Variants in SERPINB3 observed in about 807,000 individuals in gnomAD.
SERPINB3 encodes the protein serpin family B member 3.
A neutral mutation model predicts 33.0 loss-of-function variants in SERPINB3; 33 were observed. That is an observed-to-expected ratio of 1.00 (90% confidence interval 0.76 to 1.34). The LOEUF is 1.34. Ranked by LOEUF, SERPINB3 falls within the 40% of genes most tolerant of loss-of-function variation. The probability of loss-of-function intolerance (pLI) is 0.00; values close to 1 mark genes in which losing one functional copy is unlikely to be tolerated. For missense variants in SERPINB3, 518 were observed against 461.5 expected, an observed-to-expected ratio of 1.12 and a Z score of -1.12; for synonymous variants, 200 against 170.9, an observed-to-expected ratio of 1.17 and a Z score of -1.33.
chr18:63,659,301 A>G (rs111704726), intron 4 of SERPINB3, 98 bp downstream of exon 4: 63 of 1,337,004 alleles, frequency 4.7e-5, no homozygotes, highest in African/African-American at 1.9e-4. Flanking sequence ...CTCCACCTGG[A>G]TCGGTCAGGC....
rs753819398 is a variant in SERPINB3 at position 63,658,567 on chromosome 18, C to T, written c.415G>A (p.Ala139Thr). The change falls in exon 5 of 8, where the codon GCT becomes ACT. Residue 139 changes from alanine to threonine, a missense_variant. Transcript: ENST00000283752. ...TSVESVDFAN[A>T]PEESRKKINS... ...ATCTTCTTTCGACTTTCTTCTGGAG[C>T]ATTTGCAAAATCAACAGATTCCACA... The T allele has an allele frequency of 1.2e-6, 2 of 1,613,240 alleles. No individual in the cohort carries two copies. Among genetic ancestry groups the T allele is most frequent in the Admixed American group, 1.7e-5 (1 of 59,904 alleles).
Position 63,655,438 on chromosome 18 carries a change from G to T in SERPINB3, c.*219C>A, listed in dbSNP as rs111620204. ...TATTTTGGACATTTTTCCTCAAGGAGAATTTTTCTGGAAGAAAAAGTACAT... is the reference window on the plus strand; with the variant it reads ...TATTTTGGACATTTTTCCTCAAGGATAATTTTTCTGGAAGAAAAAGTACAT... On this transcript the variant is annotated 3_prime_UTR_variant, in exon 8 of 8. Transcript: ENST00000283752. 9 of 499,258 alleles carry T rather than the reference G, an allele frequency of 1.8e-5. No homozygotes were observed. The highest frequency in any genetic ancestry group is 3.1e-5 in the Non-Finnish European group (9 of 291,858). The allele number at this position is 499,258 out of a possible 1,614,324, so 30.9% of individuals were successfully genotyped here.
At position 63,656,042 on chromosome 18, in the gene SERPINB3, G is replaced by A. The variant is rs1913487927; in HGVS notation, c.788C>T (p.Ala263Val). ...GLQKLEEKLT[A>V]EKLMEWTSLQ... ...ACTTGTCCATTCCATCAATTTCTCA[G>A]CAGTGAGTTTCTCTTCAAGCTATAC... The change falls in exon 8 of 8, where the codon GCT (alanine) becomes GTT (valine). Residue 263 changes from alanine (A) to valine (V), a missense_variant. Physicochemically the swap from Ala to Val is moderately conservative, Grantham distance 64. Coordinates refer to ENST00000283752, the MANE Select transcript of SERPINB3 (RefSeq NM_006919.3). 1 of 1,613,382 alleles carries A rather than the reference G, an allele frequency of 6.2e-7. No homozygotes were observed. The highest frequency in any genetic ancestry group is 1.1e-5 in the South Asian group (1 of 91,052).
Position 63,660,984 on chromosome 18 carries a change from A to T in SERPINB3, c.165+68T>A, listed in dbSNP as rs1041035002. 3 of 1,609,128 alleles carry T rather than the reference A, an allele frequency of 1.9e-6. No homozygotes were observed. In the African/African-American group the frequency reaches 4.0e-5, roughly 22 times the overall value. On this transcript the variant is annotated intron_variant, in intron 2 of 7. Coordinates refer to ENST00000283752, the MANE Select transcript of SERPINB3 (RefSeq NM_006919.3). ...CCATCAGACCACCACATCTATTACC[A>T]TCTGCGTGCTAGCCGACGGAACCAG...
chr18:63,661,463 A>G (rs1300706803), intron 1 of SERPINB3, among the ~76,000 whole-genome samples: 1 of 152,166 alleles, frequency 6.6e-6, no homozygotes, highest in Non-Finnish European at 1.5e-5. Context: ...TTTAAAGACT[A>G]CTGTAAATAA....
rs1913480803 is a variant in SERPINB3 at position 63,655,860 on chromosome 18, C to CTGA, written c.969_970insTCA (p.Leu323_Val324insSer). On this transcript the variant is annotated inframe_insertion, in exon 8 of 8. Transcript: ENST00000283752. ...GCCTTGTGTAGGACTCCAGATAGCA[C>CTGA]GAGACCGCGGCTCCCGGTCATGCCT... The CTGA allele has an allele frequency of 1.2e-6, 2 of 1,613,840 alleles. No homozygotes were observed. Among genetic ancestry groups the CTGA allele is most frequent in the East Asian group, 2.2e-5 (1 of 44,880 alleles).
intron 7 of SERPINB3, 71 bp from the exon 8 acceptor site, chr18:63,656,132 C>T: frequency 6.6e-7 from 1 of 1,520,662 alleles, no homozygotes; most frequent in East Asian, 2.3e-5. Flanking sequence ...AATGAATTGA[C>T]TATGTGGAGA....
At chr18:63,659,137 T>C (rs929369834) in intron 4 of SERPINB3, among the ~76,000 whole-genome samples, 4 of 152,156 alleles carry the variant, frequency 2.6e-5, no homozygotes, top group African/African-American at 9.7e-5. Context: ...TGGTATCTTA[T>C]TACTTATTAC....
chr18:63,659,289 C>T, intron 4 of SERPINB3, 110 bp downstream of exon 4: 1 of 1,218,518 alleles, frequency 8.2e-7, no homozygotes, highest in Non-Finnish European at 1.2e-6. Flanking sequence ...TGAGTAAATG[C>T]TCTCCACCTG....
chr18:63,660,767 T>C, intron 3 of SERPINB3, 33 bp downstream of exon 3: 1 of 1,613,072 alleles, frequency 6.2e-7, no homozygotes, highest in Non-Finnish European at 8.5e-7. Context: ...TGTTCGGGGA[T>C]CTAAAGCTGA....
At chr18:63,661,352 T>A in intron 1 of SERPINB3, 110 bp from the exon 2 acceptor site, 1 of 1,231,760 alleles carries the variant, frequency 8.1e-7, no homozygotes, top group Non-Finnish European at 1.1e-6. Flanking sequence ...TTTTGACATT[T>A]AAAGTTTTCC....
intron 5 of SERPINB3, among the ~76,000 whole-genome samples, chr18:63,658,060 G>T (rs531421831): frequency 2.0e-5 from 3 of 152,218 alleles, no homozygotes; most frequent in African/African-American, 7.2e-5. Flanking sequence ...TGTGGCTAGA[G>T]ATGTGATCCA....
At chr18:63,656,415 A>G (rs1168742169) in intron 7 of SERPINB3, among the ~76,000 whole-genome samples, 3 of 152,176 alleles carry the variant, frequency 2.0e-5, no homozygotes, top group Non-Finnish European at 2.9e-5. Context: ...ACATGTGTCA[A>G]TTTTTAATAG....
intron 3 of SERPINB3, among the ~76,000 whole-genome samples, chr18:63,660,492 T>A (rs1011544259): frequency 2.6e-5 from 4 of 152,144 alleles, no homozygotes; most frequent in African/African-American, 9.7e-5. Flanking sequence ...TGGGATGAGG[T>A]CACTGGGACT....
In SERPINB3 at chr18:63,655,850, C is replaced by T. The variant is rs771592861; in HGVS notation, c.980G>A (p.Gly327Glu). 3 of 1,613,866 alleles carry T rather than the reference C, an allele frequency of 1.9e-6. No individual in the cohort carries two copies. Among genetic ancestry groups the T allele is most frequent in the East Asian group, 2.2e-5 (1 of 44,878 alleles). The change falls in exon 8 of 8, where the codon GGA (glycine) becomes GAA (glutamate). Residue 327 changes from glycine (G) to glutamate (E), a missense_variant. Transcript: ENST00000283752. ...MTGSRGLVLSGVLHKAFVEVT... is the reference protein window; with the variant it reads ...MTGSRGLVLSEVLHKAFVEVT... Reference sequence around the variant, plus strand: ...CTCCACAAAGGCCTTGTGTAGGACTCCAGATAGCACGAGACCGCGGCTCCC... The same window carrying T: ...CTCCACAAAGGCCTTGTGTAGGACTTCAGATAGCACGAGACCGCGGCTCCC...
intron 4 of SERPINB3, 59 bp from the exon 5 acceptor site, chr18:63,658,689 C>A (rs564339702): frequency 9.2e-6 from 12 of 1,306,910 alleles, no homozygotes; most frequent in Non-Finnish European, 1.2e-5. Flanking sequence ...CTATATATTA[C>A]CAAATTTAGT....
Position 63,661,212 on chromosome 18 carries a change from T to C in SERPINB3, c.5A>G (p.Asn2Ser). The change falls in exon 2 of 8, where the codon AAT becomes AGT. Residue 2 changes from asparagine to serine, a missense_variant. By Grantham distance (46) the Asn-to-Ser change is conservative (BLOSUM62 1). Transcript: ENST00000283752. ...CTTGGTGTTGGCTTCACTGAGTGAA[T>C]TCATGGTGAACTCGATGTGATCTGG... M[N>S]SLSEANTKFM... The C allele has an allele frequency of 6.2e-7, 1 of 1,613,278 alleles. No homozygotes were observed. Among genetic ancestry groups the C allele is most frequent in the South Asian group, 1.1e-5 (1 of 91,024 alleles).
chr18:63,657,479 C>G, intron 5 of SERPINB3, 67 bp from the exon 6 acceptor site: 1 of 1,357,312 alleles, frequency 7.4e-7, no homozygotes, highest in East Asian at 2.4e-5. Flanking sequence ...AGATGCTTTG[C>G]AAATGTTCGT....
At chr18:63,656,332 G>A (rs1344701184) in intron 7 of SERPINB3, among the ~76,000 whole-genome samples, 4 of 152,044 alleles carry the variant, frequency 2.6e-5, no homozygotes, top group African/African-American at 9.7e-5. Flanking sequence ...TGATACACAT[G>A]TAAAAATATG....
Sources: gnomAD v4.1 joint callset for allele counts (sites outside exome capture counted in the v4.1 genomes callset) on GRCh38, gnomAD v4.1.1 for gene constraint, MANE v1.5 for transcripts, NCBI Gene and HGNC (gene_info 2026-07-23, HGNC 2026-07-21) for gene names.